The following ARHGAP42 variants were observed in gnomAD, a reference collection of about 807,000 sequenced individuals.
ARHGAP42 encodes rho GTPase-activating protein 42.
In ARHGAP42, 63 loss-of-function variants were observed where a neutral mutation model predicts 125.0. That is an observed-to-expected ratio of 0.50 (90% CI 0.41 to 0.62). The LOEUF (loss-of-function observed/expected upper bound fraction) is 0.62. Among genes scored for constraint, ARHGAP42 ranks in the 20% least tolerant of loss-of-function variants. ARHGAP42 has a pLI of 0.00. For synonymous variants in ARHGAP42, 339 were observed against 351.0 expected (o/e 0.97, Z 0.38); for missense variants, 766 against 1,024.2 (o/e 0.75, Z 3.44).
intron 4 of ARHGAP42, among the ~76,000 whole-genome samples, chr11:100,881,409 G>C (rs888572963): frequency 1.3e-5 from 2 of 152,072 alleles, no homozygotes; most frequent in Non-Finnish European, 1.5e-5. Flanking sequence ...TTTATTTCTG[G>C]GTTCCCTATT....
chr11:100,941,203 C>T lies in ARHGAP42; in HGVS notation c.833-581C>T, dbSNP rs1272280705. 3.9e-5 allele frequency among the ~76,000 whole-genome samples: 6 copies of T among 152,082 alleles called. No individual in the cohort carries two copies. The South Asian group carries it at 8.3e-4, about 21-fold the overall frequency. On this transcript the variant is annotated intron_variant, in intron 8 of 23. Coordinates refer to ENST00000298815, the MANE Select transcript of ARHGAP42 (RefSeq NM_152432.4). ...CCATTGTGTTCAAAGACCAGCAAGGCGGGCAGTGTAGCTGGAGCTGAGTGC... is the reference window on the plus strand; with the variant it reads ...CCATTGTGTTCAAAGACCAGCAAGGTGGGCAGTGTAGCTGGAGCTGAGTGC...
At chr11:100,889,411 G>T (rs192576936) in intron 4 of ARHGAP42, among the ~76,000 whole-genome samples, 1 of 152,118 alleles carries the variant, frequency 6.6e-6, no homozygotes, top group East Asian at 1.9e-4. Context: ...ACACAGAGGA[G>T]GAGTGAGGAG....
chr11:100,697,385 T>A (rs1861304862), intron 1 of ARHGAP42, among the ~76,000 whole-genome samples: 1 of 152,098 alleles, frequency 6.6e-6, no homozygotes, highest in Non-Finnish European at 1.5e-5. Flanking sequence ...GGTTTCACCG[T>A]GTTAGCCAGG....
At chr11:100,786,706 C>A (rs1863444348) in intron 2 of ARHGAP42, among the ~76,000 whole-genome samples, 1 of 151,954 alleles carries the variant, frequency 6.6e-6, no homozygotes, top group Non-Finnish European at 1.5e-5. Flanking sequence ...TGACTTTCAC[C>A]CTGGAGTCAT....
chr11:100,985,117 C>A (rs1220782562), intron 22 of ARHGAP42, among the ~76,000 whole-genome samples: 2 of 152,022 alleles, frequency 1.3e-5, no homozygotes, highest in East Asian at 3.9e-4. Flanking sequence ...TCAACCAGTC[C>A]CATAAAATAC....
Position 100,794,075 on chromosome 11 carries a change from C to CAAAAAAAAAAAAAAAAAAAA in ARHGAP42, c.251-1012_251-993dup, listed in dbSNP as rs869272420. On this transcript the variant is annotated intron_variant, in intron 2 of 23. Transcript: ENST00000298815. Reference sequence around the variant, plus strand: ...CGAACAACAGAGCTAGACCCTGTCTCAAAAAAAAAAAAAAAAAAAAAAAAA... The same window carrying CAAAAAAAAAAAAAAAAAAAA: ...CGAACAACAGAGCTAGACCCTGTCTCAAAAAAAAAAAAAAAAAAAAAAAAAAAAAAAAAAAAAAAAAAAAA... Among the ~76,000 whole-genome samples, 9 of 44,844 alleles carry CAAAAAAAAAAAAAAAAAAAA rather than the reference C, an allele frequency of 2.0e-4. 1 individual carries two copies. Among genetic ancestry groups the CAAAAAAAAAAAAAAAAAAAA allele is most frequent in the African/African-American group, 6.3e-4 (9 of 14,294 alleles). 29.4% of individuals were successfully genotyped at this position (44,844 alleles called of 152,430 possible).
chr11:100,952,675 T>C (rs990982613), intron 12 of ARHGAP42, among the ~76,000 whole-genome samples: 1 of 151,416 alleles, frequency 6.6e-6, no homozygotes, highest in Non-Finnish European at 1.5e-5. Context: ...CTTTCCAGAA[T>C]TTAGCTGCCA....
At chr11:100,981,232 G>A (rs115826825) in intron 22 of ARHGAP42, among the ~76,000 whole-genome samples, 3,915 of 152,264 alleles carry the variant, frequency 0.026, 163 homozygotes, top group African/African-American at 0.088. Flanking sequence ...GTGCTCTGTA[G>A]ATGGTTTCTA....
intron 2 of ARHGAP42, among the ~76,000 whole-genome samples, chr11:100,787,812 A>C (rs962820770): frequency 6.6e-6 from 1 of 152,202 alleles, no homozygotes; most frequent in Non-Finnish European, 1.5e-5. Context: ...GGAACAAGGG[A>C]AAGCATAAAG....
chr11:100,833,429 T>G (rs902220616), intron 3 of ARHGAP42, among the ~76,000 whole-genome samples: 2 of 152,200 alleles, frequency 1.3e-5, no homozygotes, highest in African/African-American at 4.8e-5. Flanking sequence ...CTCATGAATC[T>G]GCAGTTTGGG....
chr11:100,936,261 A>T lies in ARHGAP42; in HGVS notation c.761A>T (p.Lys254Ile). The part of the protein sequence containing the change: ...QEVERLMQRM[K>I]SANQDYRPPS... ...GTAGAGCGGTTGATGCAAAGGATGA[A>T]ATCTGCTAACCAGGACTACAGACCA... Residue 254 changes from lysine to isoleucine, a missense_variant, in exon 8 of 24, where the codon AAA (lysine) becomes ATA (isoleucine). Physicochemically the swap from Lys to Ile is moderately radical, Grantham distance 102 (BLOSUM62 -3). Transcript: ENST00000298815. The T allele has an allele frequency of 1.2e-5, 18 of 1,551,688 alleles. No individual in the cohort carries two copies. Among genetic ancestry groups the T allele is most frequent in the Non-Finnish European group, 1.6e-5 (18 of 1,146,936 alleles).
At chr11:100,825,371 A>G (rs1194694669) in intron 3 of ARHGAP42, among the ~76,000 whole-genome samples, 1 of 152,220 alleles carries the variant, frequency 6.6e-6, no homozygotes, top group African/African-American at 2.4e-5. Context: ...ACATAACTTC[A>G]TAGGACAATT....
At chr11:100,738,642 C>G (rs1862116185) in intron 1 of ARHGAP42, 1 of 152,092 alleles carries the variant, frequency 6.6e-6, no homozygotes, top group Non-Finnish European at 1.5e-5. Context: ...GTAAAACTTG[C>G]AAACAATTTA....
At chr11:100,871,245 A>C (rs188521893) in intron 4 of ARHGAP42, among the ~76,000 whole-genome samples, 7 of 152,270 alleles carry the variant, frequency 4.6e-5, no homozygotes, top group Admixed American at 1.3e-4. Context: ...TGTTTCCAGT[A>C]TAAAAATTAA....
intron 6 of ARHGAP42, among the ~76,000 whole-genome samples, chr11:100,924,746 A>T (rs532893839): frequency 6.6e-6 from 1 of 152,080 alleles, no homozygotes; most frequent in African/African-American, 2.4e-5. Context: ...TGACACATGA[A>T]CTAAAAGGGG....
chr11:100,944,439 C>T (rs1238352077), intron 10 of ARHGAP42, among the ~76,000 whole-genome samples: 1 of 152,066 alleles, frequency 6.6e-6, no homozygotes, highest in East Asian at 1.9e-4. Context: ...GCTCTGTAAT[C>T]CATGATCTAT....
chr11:100,926,418 C>T (rs184418566), intron 6 of ARHGAP42, among the ~76,000 whole-genome samples: 2 of 152,124 alleles, frequency 1.3e-5, no homozygotes, highest in African/African-American at 4.8e-5. Flanking sequence ...AGAGATTAAT[C>T]CTTCCTGATA....
In ARHGAP42 at chr11:100,937,341, C is replaced by G. The variant is rs189083546; in HGVS notation, c.832+1009C>G. On this transcript the variant is annotated intron_variant, in intron 8 of 23. Coordinates refer to ENST00000298815, the MANE Select transcript of ARHGAP42 (RefSeq NM_152432.4). ...ATAATAAGTAGCTTTTACCCTCCCCCCAGTTCATGAAAAATTACCAATCCC... is the reference window on the plus strand; with the variant it reads ...ATAATAAGTAGCTTTTACCCTCCCCGCAGTTCATGAAAAATTACCAATCCC... 9.9e-5 allele frequency among the ~76,000 whole-genome samples: 15 copies of G among 152,146 alleles called. No homozygotes were observed. The South Asian group carries it at 1.9e-3, about 19-fold the overall frequency.
At chr11:100,773,592 C>T (rs1468998075) in intron 2 of ARHGAP42, among the ~76,000 whole-genome samples, 1 of 152,190 alleles carries the variant, frequency 6.6e-6, no homozygotes. Flanking sequence ...TGAAGTCACA[C>T]ATACATGTAG....
Sources: allele counts gnomAD v4.1 joint callset (sites outside exome capture counted in the v4.1 genomes callset), GRCh38; gene constraint gnomAD v4.1.1; transcripts MANE v1.5; gene names NCBI Gene and HGNC (gene_info 2026-07-23, HGNC 2026-07-21).